The following ATP8B4 variants were observed in gnomAD, a reference collection of about 807,000 sequenced individuals.
ATP8B4 encodes the protein probable phospholipid-transporting ATPase IM.
Under a neutral mutation model 145.6 loss-of-function variants are expected in ATP8B4, and 133 were observed. The ratio of observed to expected loss-of-function variants is 0.91; its 90% CI spans 0.79 to 1.05. The LOEUF (loss-of-function observed/expected upper bound fraction) is 1.05. ATP8B4 is among the 50% of genes least tolerant of loss of function. ATP8B4 has a pLI of 0.00. For missense variants in ATP8B4, 1,458 were observed against 1,425.2 expected (o/e 1.02, Z -0.37); for synonymous variants, 507 against 492.9 (o/e 1.03, Z -0.38).
At chr15:50,110,322 C>T (rs1074625) in intron 1 of ATP8B4, among the ~76,000 whole-genome samples, 2,492 of 152,252 alleles carry the variant, frequency 0.016, 61 homozygotes, top group African/African-American at 0.058. Flanking sequence ...GTATACTTTA[C>T]GGAGGACTCA....
At chr15:50,084,728 G>C (rs943509357) in intron 2 of ATP8B4, among the ~76,000 whole-genome samples, 1 of 152,178 alleles carries the variant, frequency 6.6e-6, no homozygotes, top group Non-Finnish European at 1.5e-5. Context: ...AGGGAAGAAT[G>C]TGTTTCTTGA....
intron 17 of ATP8B4, among the ~76,000 whole-genome samples, chr15:49,921,729 T>C (rs564085659): frequency 6.6e-6 from 1 of 152,336 alleles, no homozygotes; most frequent in African/African-American, 2.4e-5. Flanking sequence ...GAAAAGTCAA[T>C]GCGTACTGCA....
intron 20 of ATP8B4, among the ~76,000 whole-genome samples, chr15:49,910,341 C>T (rs144047291): frequency 9.9e-5 from 15 of 152,224 alleles, no homozygotes; most frequent in East Asian, 5.8e-4. Flanking sequence ...GCCTACATAA[C>T]GTGCGAGACA....
At position 49,920,395 on chromosome 15, in the gene ATP8B4, C is replaced by T. The variant is rs1566991775; in HGVS notation, c.1774G>A (p.Gly592Ser). Residue 592 changes from glycine to serine, a missense_variant, in exon 18 of 28, where the codon GGC (glycine) becomes AGC (serine). Coordinates refer to ENST00000284509, the MANE Select transcript of ATP8B4 (RefSeq NM_024837.4). Reference sequence around the variant, plus strand: ...TATGCGATGGCCAAGGTCCGAAGGCCTTCCCCTGCAAATTCCTGCCAGAGA... The same window carrying T: ...TATGCGATGGCCAAGGTCCGAAGGCTTTCCCCTGCAAATTCCTGCCAGAGA... Reference protein sequence around the residue: ...SDHLSEFAGEGLRTLAIAYRD... With the variant: ...SDHLSEFAGESLRTLAIAYRD... 4 of 1,613,034 alleles carry T rather than the reference C, an allele frequency of 2.5e-6. No homozygotes were observed. The highest frequency in any genetic ancestry group is 3.4e-6 in the Non-Finnish European group (4 of 1,179,608).
intron 8 of ATP8B4, among the ~76,000 whole-genome samples, chr15:49,999,300 C>T (rs1052442462): frequency 1.8e-4 from 27 of 147,366 alleles, no homozygotes; most frequent in Non-Finnish European, 3.6e-4. Context: ...AACCAAACAC[C>T]GCATATTCTC....
At chr15:49,927,903 T>C (rs1195264110) in intron 16 of ATP8B4, among the ~76,000 whole-genome samples, 1 of 152,176 alleles carries the variant, frequency 6.6e-6, no homozygotes, top group Non-Finnish European at 1.5e-5. Context: ...CAGATGTTAT[T>C]TGGTTTTTAC....
chr15:50,000,807 A>G (rs1317112760), intron 8 of ATP8B4, among the ~76,000 whole-genome samples: 3 of 151,906 alleles, frequency 2.0e-5, no homozygotes, highest in African/African-American at 7.3e-5. Context: ...ATTTCCTCCT[A>G]TTTTTTTCCT....
chr15:50,010,162 G>T (rs75009825), intron 7 of ATP8B4, among the ~76,000 whole-genome samples: 2,492 of 152,058 alleles, frequency 0.016, 85 homozygotes, highest in African/African-American at 0.058. Flanking sequence ...ATATTTGACA[G>T]AAACAATACA....
At chr15:49,935,827 G>A (rs561731844) in intron 14 of ATP8B4, among the ~76,000 whole-genome samples, 78 of 152,028 alleles carry the variant, frequency 5.1e-4, no homozygotes, top group African/African-American at 1.9e-3. Context: ...AAAAATATAG[G>A]CATATCCAGT....
At chr15:50,099,895 C>A (rs372709955) in intron 2 of ATP8B4, among the ~76,000 whole-genome samples, 1 of 151,858 alleles carries the variant, frequency 6.6e-6, no homozygotes, top group Non-Finnish European at 1.5e-5. Context: ...ATTAGCCAGG[C>A]GTAGTGGTGC....
At chr15:49,951,454 CT>C (rs1264692357) in intron 14 of ATP8B4, among the ~76,000 whole-genome samples, 1 of 151,880 alleles carries the variant, frequency 6.6e-6, no homozygotes, top group Non-Finnish European at 1.5e-5. Context: ...ATGTAATGCC[CT>C]TCTTAGTCTT....
At chr15:50,099,809 C>T (rs954681959) in intron 2 of ATP8B4, among the ~76,000 whole-genome samples, 20 of 152,148 alleles carry the variant, frequency 1.3e-4, no homozygotes, top group African/African-American at 4.1e-4. Context: ...GAGGCCGAGG[C>T]GGGCAGATCA....
intron 27 of ATP8B4, among the ~76,000 whole-genome samples, chr15:49,861,422 G>GTGTGTC (rs1555390912): frequency 3.2e-4 from 48 of 148,350 alleles, no homozygotes; most frequent in East Asian, 1.0e-3. Flanking sequence ...GTGTGTGTGT[G>GTGTGTC]TGTCTGTCTG....
intron 1 of ATP8B4, chr15:50,114,507 C>A: frequency 6.6e-6 from 1 of 152,372 alleles, no homozygotes. Context: ...CTCATTTTCC[C>A]CTCCTTGTCC....
intron 2 of ATP8B4, among the ~76,000 whole-genome samples, chr15:50,091,451 A>G (rs1041291387): frequency 2.6e-5 from 4 of 152,168 alleles, no homozygotes; most frequent in African/African-American, 9.7e-5. Flanking sequence ...TGGCAATTAG[A>G]TTGTATACTT....
At chr15:50,131,123 T>C (rs933429848) in intron 1 of ATP8B4, among the ~76,000 whole-genome samples, 3 of 152,094 alleles carry the variant, frequency 2.0e-5, no homozygotes, top group Non-Finnish European at 4.4e-5. Context: ...GAGAACAGCA[T>C]GGGGGAAACT....
Position 49,901,105 on chromosome 15 carries a change from T to C in ATP8B4, c.2276A>G (p.Asn759Ser), listed in dbSNP as rs961820140. The C allele has an allele frequency of 5.0e-6, 8 of 1,612,732 alleles. No homozygotes were observed. The East Asian group carries it at 8.9e-5, about 18-fold the overall frequency. Residue 759 changes from asparagine (N) to serine (S), a missense_variant, in exon 21 of 28, where the codon AAT becomes AGT. Physicochemically the swap from Asn to Ser is conservative, Grantham distance 46. Coordinates refer to ENST00000284509, the MANE Select transcript of ATP8B4 (RefSeq NM_024837.4). ...TITGDYALII[N>S]GHSLAHALES... Reference sequence around the variant, plus strand: ...AGGCAAACTCACCAAACTGTGGCCATTTATGATTAAGGCATAATCTCCTGT... The same window carrying C: ...AGGCAAACTCACCAAACTGTGGCCACTTATGATTAAGGCATAATCTCCTGT...
chr15:49,934,213 C>A, intron 14 of ATP8B4, 31 bp from the exon 15 acceptor site: 2 of 1,569,838 alleles, frequency 1.3e-6, no homozygotes, highest in East Asian at 2.3e-5. Context: ...CAAAAATAAC[C>A]AAAACCTCAT....
At chr15:50,161,764 A>C (rs1441056977) in intron 1 of ATP8B4, among the ~76,000 whole-genome samples, 7 of 152,084 alleles carry the variant, frequency 4.6e-5, no homozygotes, top group Non-Finnish European at 7.4e-5. Flanking sequence ...TTCATCTTTC[A>C]GTATTTTTAT....
Sources: gnomAD v4.1 joint callset for allele counts (sites outside exome capture counted in the v4.1 genomes callset) on GRCh38, gnomAD v4.1.1 for gene constraint, MANE v1.5 for transcripts, NCBI Gene and HGNC (gene_info 2026-07-23, HGNC 2026-07-21) for gene names.